HERC4: variants seen among roughly 807,000 people sequenced by gnomAD.
HERC4 encodes the protein probable E3 ubiquitin-protein ligase HERC4.
A neutral mutation model predicts 124.3 loss-of-function variants in HERC4; 28 were observed. That is an observed-to-expected ratio of 0.23 (90% CI 0.17 to 0.31). The LOEUF is 0.31. Among genes scored for constraint, HERC4 ranks in the 10% least tolerant of loss-of-function variants. The pLI is 1.00. For missense variants in HERC4, 713 were observed against 1,229.3 expected, an observed-to-expected ratio of 0.58 and a Z score of 6.28; for synonymous variants, 407 against 421.5, an observed-to-expected ratio of 0.97 and a Z score of 0.42.
intron 3 of HERC4, among the ~76,000 whole-genome samples, chr10:68,046,718 G>T (rs1362689019): frequency 2.6e-5 from 4 of 152,340 alleles, no homozygotes; most frequent in African/African-American, 9.6e-5. Flanking sequence ...TATAATCCCA[G>T]CACTTGCAGA....
chr10:68,032,957 A>G (rs1482068240), intron 6 of HERC4, 88 bp from the exon 7 acceptor site: 1 of 720,612 alleles, frequency 1.4e-6, no homozygotes, highest in Admixed American at 2.1e-5. Flanking sequence ...CAAGCTCAGT[A>G]GATAGTTGTG....
intron 3 of HERC4, among the ~76,000 whole-genome samples, chr10:68,059,247 T>A (rs1278121020): frequency 6.6e-6 from 1 of 151,596 alleles, no homozygotes; most frequent in African/African-American, 2.4e-5. Flanking sequence ...GACATTTTCA[T>A]TGAGATCATA....
chr10:67,986,555 C>T (rs1589253301), intron 15 of HERC4, among the ~76,000 whole-genome samples: 1 of 152,088 alleles, frequency 6.6e-6, no homozygotes, highest in African/African-American at 2.4e-5. Context: ...CGGGGTTTCA[C>T]CATGTTGGCC....
chr10:68,026,682 A>G (rs1318992463), intron 7 of HERC4, among the ~76,000 whole-genome samples: 1 of 152,084 alleles, frequency 6.6e-6, no homozygotes. Flanking sequence ...TCACTACTAA[A>G]AATGCAAAAA....
At position 68,060,207 on chromosome 10, in the gene HERC4, G is replaced by C. The variant is rs79041829; in HGVS notation, c.226+12676C>G. ...TATTTTTTTAAATCAGCATTATAAG[G>C]TGTAAATAATGTTCTTTTTGTTTGC... On this transcript the variant is annotated intron_variant, in intron 3 of 24. Transcript: ENST00000373700. 1.1e-3 allele frequency among the ~76,000 whole-genome samples: 164 copies of C among 151,810 alleles called. 4 individuals are homozygous for C. In the East Asian group the frequency reaches 0.027, roughly 25 times the overall value.
At chr10:68,004,750 A>G (rs1224998900) in intron 9 of HERC4, among the ~76,000 whole-genome samples, 1 of 152,236 alleles carries the variant, frequency 6.6e-6, no homozygotes, top group Non-Finnish European at 1.5e-5. Flanking sequence ...ACAAGGTGGC[A>G]GGAAGAAGTG....
At chr10:68,042,018 CT>C (rs542391395) in intron 4 of HERC4, among the ~76,000 whole-genome samples, 4 of 151,472 alleles carry the variant, frequency 2.6e-5, no homozygotes, top group Admixed American at 6.6e-5. Flanking sequence ...TCTGATTACT[CT>C]TTTTTTTTAT....
chr10:67,991,258 T>C lies in HERC4; in HGVS notation c.1272-59A>G, dbSNP rs971267216. ...AATCAGAAATTTAATTGTTTACCCT[T>C]TCTTAAAAAAGAATTAAAATGAATA... is the stretch of plus-strand genomic sequence containing the variant. On this transcript the variant is annotated intron_variant, in intron 11 of 24. Coordinates refer to ENST00000373700, the MANE Select transcript of HERC4 (RefSeq NM_015601.4). 8.1e-5 allele frequency: 81 copies of C among 999,354 alleles called. 1 individual carries two copies. The South Asian group carries it at 1.6e-3, about 20-fold the overall frequency. The allele number at this position is 999,354 out of a possible 1,614,324, so 61.9% of individuals were successfully genotyped here.
chr10:67,990,452 C>CAAAT, intron 13 of HERC4, 52 bp from the exon 14 acceptor site: 3 of 428,386 alleles, frequency 7.0e-6, no homozygotes, highest in Non-Finnish European at 9.3e-6. Flanking sequence ...AATACACTTT[C>CAAAT]AAAGAAAAAA....
intron 3 of HERC4, among the ~76,000 whole-genome samples, chr10:68,045,136 A>T (rs999309787): frequency 6.6e-6 from 1 of 152,104 alleles, no homozygotes; most frequent in Non-Finnish European, 1.5e-5. Flanking sequence ...GCCTGGCCAA[A>T]ACGGTGAAAC....
At chr10:67,960,454 C>T (rs1446639915) in intron 16 of HERC4, among the ~76,000 whole-genome samples, 4 of 152,038 alleles carry the variant, frequency 2.6e-5, no homozygotes, top group Admixed American at 2.6e-4. Context: ...GGTGCAATCT[C>T]GTCTCACCGC....
intron 15 of HERC4, among the ~76,000 whole-genome samples, chr10:67,972,219 GAAAAA>G (rs767498811): frequency 3.2e-3 from 163 of 51,210 alleles, no homozygotes; most frequent in African/African-American, 0.01. Context: ...TGTCTCAAAG[GAAAAA>G]AAAAAAAAAA....
intron 4 of HERC4, chr10:68,040,612 T>C (rs970151065): frequency 2.1e-5 from 6 of 281,750 alleles, no homozygotes; most frequent in Non-Finnish European, 3.2e-5. Flanking sequence ...AAAGAAAGGC[T>C]GGGCGTGGTG....
chr10:68,005,353 T>C (rs1411404252), intron 9 of HERC4, among the ~76,000 whole-genome samples: 1 of 152,234 alleles, frequency 6.6e-6, no homozygotes, highest in Admixed American at 6.5e-5. Context: ...TAAGTATAGC[T>C]ACTCCTGCTC....
Position 67,956,957 on chromosome 10 carries a change from G to C in HERC4, c.1946C>G (p.Thr649Arg), listed in dbSNP as rs1368660089. 13 of 1,582,822 alleles carry C rather than the reference G, an allele frequency of 8.2e-6. No individual in the cohort carries two copies. The highest frequency in any genetic ancestry group is 1.1e-5 in the Non-Finnish European group (13 of 1,165,076). ...AYGMLADIPV[T>R]ICTYPFVFDA... ...AAATACAAATGGATATGTACAGATT[G>C]TAACAGGGATATCTGCCAACTGGAA... Residue 649 changes from threonine (T) to arginine (R), a missense_variant, in exon 17 of 25, where the codon ACA becomes AGA. Thr to Arg is a moderately conservative substitution (Grantham distance 71). Transcript: ENST00000373700.
At chr10:68,059,920 CAT>C (rs1185893961) in intron 3 of HERC4, among the ~76,000 whole-genome samples, 1 of 108,924 alleles carries the variant, frequency 9.2e-6, no homozygotes, top group Non-Finnish European at 1.7e-5. Flanking sequence ...TATTATATAT[CAT>C]AATATTATAT....
chr10:67,946,695 T>G (rs1199133936), intron 19 of HERC4, among the ~76,000 whole-genome samples: 3 of 151,882 alleles, frequency 2.0e-5, no homozygotes. Context: ...GATCATGAGG[T>G]CAAGAGATCG....
rs76488952 is a variant in HERC4 at position 67,999,169 on chromosome 10, G to A, written c.1070-6487C>T. ...TTATTAAGTTGTATCTCAAGATTTC[G>A]TTTTTGTCTATAAATGGTTATGCTC... is the stretch of plus-strand genomic sequence containing the variant. On this transcript the variant is annotated intron_variant, in intron 9 of 24. Coordinates refer to ENST00000373700, the MANE Select transcript of HERC4 (RefSeq NM_015601.4). Among the ~76,000 whole-genome samples the A allele has an allele frequency of 4.3e-4, 65 of 152,200 alleles. No homozygotes were observed. In the East Asian group the frequency reaches 0.011, roughly 27 times the overall value.
At chr10:67,951,748 C>T (rs1564949246) in intron 19 of HERC4, among the ~76,000 whole-genome samples, 1 of 152,074 alleles carries the variant, frequency 6.6e-6, no homozygotes, top group Non-Finnish European at 1.5e-5. Context: ...CTAAAATTTC[C>T]AACTCCTCTG....
Sources: allele counts gnomAD v4.1 joint callset (sites outside exome capture counted in the v4.1 genomes callset), GRCh38; gene constraint gnomAD v4.1.1; transcripts MANE v1.5; gene names NCBI Gene and HGNC (gene_info 2026-07-23, HGNC 2026-07-21).